Variants in ADAMTSL1 observed in about 807,000 individuals in gnomAD.
The protein encoded by ADAMTSL1 is ADAMTS like 1, also known as ADAMTS-like protein 1.
ADAMTSL1 carries 126 observed loss-of-function variants against 201.8 expected under a neutral mutation model. The observed-to-expected ratio is 0.62, with a 90% CI of 0.54 to 0.72. The LOEUF is 0.72. Ranked by LOEUF, ADAMTSL1 falls within the 30% of genes least tolerant of loss-of-function variation. The probability of loss-of-function intolerance (pLI) is 0.00; values close to 1 mark genes in which losing one functional copy is unlikely to be tolerated. For missense variants in ADAMTSL1, 2,679 were observed against 2,277.8 expected, an observed-to-expected ratio of 1.18 and a Z score of -3.59; for synonymous variants, 1,121 against 903.4, an observed-to-expected ratio of 1.24 and a Z score of -4.32.
At chr9:18,170,866 A>T (rs1295064119) in intron 2 of ADAMTSL1, among the ~76,000 whole-genome samples, 6 of 152,114 alleles carry the variant, frequency 3.9e-5, no homozygotes, top group Admixed American at 6.6e-5. Context: ...TACTGTTGTC[A>T]TCAGGTTTCT....
In ADAMTSL1 at chr9:18,329,843, C is replaced by T. The variant is rs76689861; in HGVS notation, c.207+165862C>T. Among the ~76,000 whole-genome samples, 588 of 152,294 alleles carry T rather than the reference C, an allele frequency of 3.9e-3. 3 individuals carry two copies. Among genetic ancestry groups the T allele is most frequent in the African/African-American group, 0.013 (561 of 41,560 alleles). On this transcript the variant is annotated intron_variant, in intron 2 of 29. Transcript: ENST00000680146. ...TTTGTTCTTTGCTTTGTATTTGCCA[C>T]GGCTGGCACCAGGCAGTGCATATGC...
chr9:18,366,747 A>G (rs1424056484), intron 2 of ADAMTSL1, among the ~76,000 whole-genome samples: 1 of 146,184 alleles, frequency 6.8e-6, no homozygotes, highest in Non-Finnish European at 1.5e-5. Context: ...CCTCCCGAGT[A>G]GCTGGGATTA....
At chr9:18,057,315 C>T (rs1822238761) in intron 1 of ADAMTSL1, among the ~76,000 whole-genome samples, 1 of 152,116 alleles carries the variant, frequency 6.6e-6, no homozygotes, top group Non-Finnish European at 1.5e-5. Flanking sequence ...ACAATTATTT[C>T]CCTATCTAAT....
chr9:18,265,944 G>A (rs1325662789), intron 2 of ADAMTSL1, among the ~76,000 whole-genome samples: 1 of 151,782 alleles, frequency 6.6e-6, no homozygotes, highest in African/African-American at 2.4e-5. Context: ...CTGCCAACAG[G>A]GACATTTACT....
At chr9:18,650,490 C>G (rs946002935) in intron 7 of ADAMTSL1, among the ~76,000 whole-genome samples, 2 of 152,148 alleles carry the variant, frequency 1.3e-5, no homozygotes, top group African/African-American at 4.8e-5. Flanking sequence ...GCGTAGCTCA[C>G]GGTGGGAGTT....
chr9:18,280,956 G>A (rs1008049394), intron 2 of ADAMTSL1, among the ~76,000 whole-genome samples: 6 of 147,816 alleles, frequency 4.1e-5, no homozygotes, highest in South Asian at 4.3e-4. Flanking sequence ...GCTCACTGTA[G>A]CCTTGAACTC....
intron 1 of ADAMTSL1, among the ~76,000 whole-genome samples, chr9:18,067,157 T>C (rs899548240): frequency 2.6e-5 from 4 of 152,164 alleles, no homozygotes; most frequent in African/African-American, 9.7e-5. Context: ...TGCAAGTGGT[T>C]AAGGGTTAGC....
intron 23 of ADAMTSL1, among the ~76,000 whole-genome samples, chr9:18,870,350 C>T (rs774904391): frequency 6.6e-6 from 1 of 152,134 alleles, no homozygotes; most frequent in Non-Finnish European, 1.5e-5. Context: ...TGTTATGTTC[C>T]TCTGAAGAAC....
At chr9:18,188,552 C>A (rs957367053) in intron 2 of ADAMTSL1, among the ~76,000 whole-genome samples, 1 of 152,050 alleles carries the variant, frequency 6.6e-6, no homozygotes, top group Non-Finnish European at 1.5e-5. Flanking sequence ...CACTGGAAGA[C>A]AACTCTTAGA....
chr9:18,462,042 A>G (rs985559687), intron 2 of ADAMTSL1, among the ~76,000 whole-genome samples: 3 of 152,162 alleles, frequency 2.0e-5, no homozygotes, highest in East Asian at 1.9e-4. Flanking sequence ...TTGAAAAAAA[A>G]TCTGTGTATA....
In ADAMTSL1 at chr9:18,132,344, G is replaced by C. The variant is rs186216011; in HGVS notation, c.88-31518G>C. 1.4e-3 allele frequency among the ~76,000 whole-genome samples: 207 copies of C among 152,232 alleles called. 2 individuals carry two copies. Among genetic ancestry groups the C allele is most frequent in the Admixed American group, 0.012 (184 of 15,272 alleles). ...CTACCTTTTGCGTGTGTTTGAATCA[G>C]TGGCGTTAAGTACATTCACATTGTG... On this transcript the variant is annotated intron_variant, in intron 1 of 29. Transcript: ENST00000680146.
chr9:17,987,062 G>A (rs1399307484), intron 1 of ADAMTSL1, among the ~76,000 whole-genome samples: 1 of 152,006 alleles, frequency 6.6e-6, no homozygotes, highest in Non-Finnish European at 1.5e-5. Context: ...GATATCCATG[G>A]TCTCTTTCAT....
chr9:18,777,235 C>G lies in ADAMTSL1; in HGVS notation c.3006C>G (p.Phe1002Leu). 6.2e-7 allele frequency: 1 copy of G among 1,612,712 alleles called. No individual in the cohort carries two copies. Among genetic ancestry groups the G allele is most frequent in the Non-Finnish European group, 8.5e-7 (1 of 1,179,726 alleles). ...LQTHKHQNGI[F>L]SNGSKAEKRG... ...CCCACAAACACCAGAACGGGATCTT[C>G]TCCAACGGCAGCAAGGCGGAGAAGC... Residue 1002 changes from phenylalanine (F) to leucine (L), a missense_variant, in exon 19 of 29, where the codon TTC (phenylalanine) becomes TTG (leucine). Transcript: ENST00000380548.
chr9:18,401,104 T>C (rs897755523), intron 2 of ADAMTSL1, among the ~76,000 whole-genome samples: 1 of 152,214 alleles, frequency 6.6e-6, no homozygotes, highest in African/African-American at 2.4e-5. Flanking sequence ...GTGGTTTAAG[T>C]ATTTTATTTC....
intron 2 of ADAMTSL1, among the ~76,000 whole-genome samples, chr9:18,454,883 T>A (rs1377638958): frequency 6.6e-6 from 1 of 152,108 alleles, no homozygotes; most frequent in East Asian, 1.9e-4. Context: ...TACAAGTGAG[T>A]TTTTAGGCTT....
At chr9:18,219,022 A>G (rs1285942180) in intron 2 of ADAMTSL1, among the ~76,000 whole-genome samples, 2 of 151,962 alleles carry the variant, frequency 1.3e-5, no homozygotes, top group South Asian at 2.1e-4. Context: ...TACATCTGTC[A>G]TATATCAGTT....
intron 3 of ADAMTSL1, among the ~76,000 whole-genome samples, chr9:18,562,802 C>T (rs530422252): frequency 2.0e-5 from 3 of 152,218 alleles, no homozygotes; most frequent in East Asian, 3.9e-4. Flanking sequence ...TCCACTTAAT[C>T]GATTTGGCTG....
chr9:18,807,465 A>C (rs940434743), intron 20 of ADAMTSL1, among the ~76,000 whole-genome samples: 6 of 152,002 alleles, frequency 3.9e-5, no homozygotes, highest in African/African-American at 1.5e-4. Flanking sequence ...TAACACGGTG[A>C]AACCCCGTCT....
In ADAMTSL1 at chr9:18,789,020, T is replaced by C. The variant is rs376275260; in HGVS notation, c.3678-6377T>C. On this transcript the variant is annotated intron_variant, in intron 19 of 28. Transcript: ENST00000380548. ...CCAACGTGCTACGTGGCCTCACTTC[T>C]TGCTCCTCTTTTCTCCTCCCTGGTC... Among the ~76,000 whole-genome samples, 218 of 152,322 alleles carry C rather than the reference T, an allele frequency of 1.4e-3. 1 individual carries two copies. In the South Asian group the frequency reaches 0.017, roughly 12 times the overall value.
Sources: gnomAD v4.1 joint callset for allele counts (sites outside exome capture counted in the v4.1 genomes callset) on GRCh38, gnomAD v4.1.1 for gene constraint, MANE v1.5 for transcripts, NCBI Gene and HGNC (gene_info 2026-07-23, HGNC 2026-07-21) for gene names.